Variants in RIN2 observed in about 807,000 individuals in gnomAD.
RIN2 encodes RAB5 interacting protein 2.
A neutral mutation model predicts 78.0 loss-of-function variants in RIN2; 36 were observed. The ratio of observed to expected loss-of-function variants is 0.46; its 90% CI spans 0.35 to 0.61. The LOEUF (loss-of-function observed/expected upper bound fraction) is 0.61, where lower values mean the gene tolerates loss of function less well. RIN2 is among the 20% of genes least tolerant of loss of function. The pLI, the probability that RIN2 is intolerant of heterozygous loss-of-function variation, is 0.00. For missense variants in RIN2, 1,087 were observed against 1,159.7 expected, an observed-to-expected ratio of 0.94 and a Z score of 0.91; for synonymous variants, 466 against 466.8, an observed-to-expected ratio of 1.00 and a Z score of 0.02.
chr20:19,984,210 G>A (rs1042291725), intron 9 of RIN2, among the ~76,000 whole-genome samples: 2 of 152,246 alleles, frequency 1.3e-5, no homozygotes, highest in South Asian at 2.1e-4. Flanking sequence ...ACAATCATGT[G>A]TTGTTTAACT....
intron 2 of RIN2, among the ~76,000 whole-genome samples, chr20:19,862,362 C>A (rs973876660): frequency 6.6e-6 from 1 of 152,094 alleles, no homozygotes; most frequent in African/African-American, 2.4e-5. Context: ...GAGGCCGAGG[C>A]GGGTGGATTG....
At chr20:19,810,506 C>CCGATTTG (rs2035556120) in intron 2 of RIN2, among the ~76,000 whole-genome samples, 1 of 152,026 alleles carries the variant, frequency 6.6e-6, no homozygotes, top group Admixed American at 6.6e-5. Flanking sequence ...AGAGCACCTA[C>CCGATTTG]CGATTTGATT....
intron 2 of RIN2, among the ~76,000 whole-genome samples, chr20:19,825,576 AAAATCCCACC>A: frequency 6.6e-6 from 1 of 152,316 alleles, no homozygotes; most frequent in South Asian, 2.1e-4. Flanking sequence ...CCAGTGTTGC[AAAATCCCACC>A]ATAGGTGCTC....
At chr20:19,770,494 A>C (rs987279912) in intron 1 of RIN2, among the ~76,000 whole-genome samples, 1 of 152,166 alleles carries the variant, frequency 6.6e-6, no homozygotes, top group African/African-American at 2.4e-5. Context: ...ACCTCTCTGC[A>C]AATGAGCATT....
intron 4 of RIN2, among the ~76,000 whole-genome samples, chr20:19,948,677 ACATCTTAC>A (rs1386953548): frequency 3.3e-5 from 5 of 152,118 alleles, no homozygotes; most frequent in African/African-American, 1.2e-4. Flanking sequence ...AAAATCAGGC[ACATCTTAC>A]CATAGATGAT....
intron 6 of RIN2, among the ~76,000 whole-genome samples, chr20:19,962,500 T>G (rs906502002): frequency 6.6e-6 from 1 of 152,136 alleles, no homozygotes; most frequent in South Asian, 2.1e-4. Flanking sequence ...GGCCGAAGGT[T>G]TTTCCCCCAT....
At chr20:19,911,070 G>A (rs1380733412) in intron 3 of RIN2, among the ~76,000 whole-genome samples, 1 of 150,372 alleles carries the variant, frequency 6.7e-6, no homozygotes, top group East Asian at 2.0e-4. Flanking sequence ...TTTTTTTTGA[G>A]ACAAAGTTTC....
chr20:19,866,904 A>T (rs188930372), intron 2 of RIN2, among the ~76,000 whole-genome samples: 7 of 152,218 alleles, frequency 4.6e-5, no homozygotes, highest in African/African-American at 4.8e-5. Flanking sequence ...GGATTACAGG[A>T]GTGAGCCACC....
At chr20:19,911,809 A>G (rs1017059228) in intron 3 of RIN2, among the ~76,000 whole-genome samples, 5 of 152,196 alleles carry the variant, frequency 3.3e-5, no homozygotes, top group African/African-American at 4.8e-5. Context: ...GTGAATTTCC[A>G]CAAAGTCAAC....
intron 1 of RIN2, among the ~76,000 whole-genome samples, chr20:19,789,510 G>A (rs1310434689): frequency 6.6e-6 from 1 of 152,012 alleles, no homozygotes; most frequent in Non-Finnish European, 1.5e-5. Flanking sequence ...ATCTTGCCTA[G>A]TTTCTTTTAT....
chr20:19,901,744 C>T (rs1195711363), intron 3 of RIN2, among the ~76,000 whole-genome samples: 5 of 152,038 alleles, frequency 3.3e-5, no homozygotes, highest in South Asian at 4.1e-4. Context: ...AGGTCGAGTG[C>T]GGTGGCCCAC....
chr20:19,903,095 AAAAAT>A lies in RIN2; in HGVS notation c.57+13446_57+13450del, dbSNP rs1247787191. Among the ~76,000 whole-genome samples the A allele has an allele frequency of 5.9e-5, 9 of 152,330 alleles. No homozygotes were observed. In the South Asian group the frequency reaches 1.0e-3, roughly 18 times the overall value. ...GCAACAGAGCGAGACTCTGTCTCAAAAAAATAAAATAAATAAAAATAAAATAAAAT... is the reference window on the plus strand; with the variant it reads ...GCAACAGAGCGAGACTCTGTCTCAAAAAAATAAATAAAAATAAAATAAAAT... On this transcript the variant is annotated intron_variant, in intron 3 of 12. Transcript: ENST00000255006.
chr20:19,828,235 A>G (rs907339429), intron 2 of RIN2, among the ~76,000 whole-genome samples: 1 of 152,178 alleles, frequency 6.6e-6, no homozygotes, highest in African/African-American at 2.4e-5. Flanking sequence ...TGAGTTTCCC[A>G]TTCCTAGCTT....
chr20:19,910,543 T>A (rs1356733609), intron 3 of RIN2, among the ~76,000 whole-genome samples: 1 of 150,850 alleles, frequency 6.6e-6, no homozygotes, highest in Non-Finnish European at 1.5e-5. Context: ...TTGTTTGAAT[T>A]TTTTTTTCTC....
At chr20:19,833,139 C>T (rs2036298798) in intron 2 of RIN2, among the ~76,000 whole-genome samples, 3 of 152,286 alleles carry the variant, frequency 2.0e-5, no homozygotes, top group Admixed American at 1.3e-4. Context: ...CCCTGTGTGG[C>T]CCCTGACAAC....
intron 2 of RIN2, among the ~76,000 whole-genome samples, chr20:19,877,128 C>T (rs2037882844): frequency 6.6e-6 from 1 of 152,204 alleles, no homozygotes; most frequent in South Asian, 2.1e-4. Context: ...GCATTAACTT[C>T]TAACCTTCCC....
rs149957955 is a variant in RIN2 at position 19,824,201 on chromosome 20, C to T, written c.-37+24454C>T. ...TTTCCTTCCTGTAAGAACAAGCCTA[C>T]GGCAGAGAAGGAAGCTTCCCACGCA... On this transcript the variant is annotated intron_variant, in intron 2 of 12. Coordinates refer to ENST00000255006, the MANE Select transcript of RIN2 (RefSeq NM_018993.4). 2.0e-5 allele frequency among the ~76,000 whole-genome samples: 3 copies of T among 152,308 alleles called. No homozygotes were observed. The East Asian group carries it at 5.8e-4, about 29-fold the overall frequency.
Position 20,001,032 on chromosome 20 carries a change from C to A in RIN2, c.*96C>A. On this transcript the variant is annotated 3_prime_UTR_variant, in exon 13 of 13. Transcript: ENST00000255006. ...CTTGAGCTTGAAAAGCAGTCACCTC[C>A]TCGGGGACCCCTCAGTGTAGTGACT... 8.3e-7 allele frequency: 1 copy of A among 1,207,738 alleles called. No homozygotes were observed. The highest frequency in any genetic ancestry group is 2.4e-5 in the East Asian group (1 of 40,854). The allele number at this position is 1,207,738 out of a possible 1,614,324, so 74.8% of individuals were successfully genotyped here. A position where few individuals can be genotyped will look rare whatever the true frequency, so the allele number is the denominator to read the frequency against.
intron 1 of RIN2, among the ~76,000 whole-genome samples, chr20:19,759,037 C>T (rs2033514222): frequency 6.6e-6 from 1 of 152,234 alleles, no homozygotes; most frequent in African/African-American, 2.4e-5. Flanking sequence ...TGAGGCCTCC[C>T]CGCCCCCTTC....
Sources: gnomAD v4.1 joint callset for allele counts (sites outside exome capture counted in the v4.1 genomes callset) on GRCh38, gnomAD v4.1.1 for gene constraint, MANE v1.5 for transcripts, NCBI Gene and HGNC (gene_info 2026-07-23, HGNC 2026-07-21) for gene names.